The following CD101 variants were observed in gnomAD, a reference collection of about 807,000 sequenced individuals.
CD101 encodes CD101 molecule.
Under a neutral mutation model 98.2 loss-of-function variants are expected in CD101, and 76 were observed. The observed-to-expected ratio is 0.77, with a 90% confidence interval of 0.64 to 0.94. The LOEUF is 0.94. Ranked by LOEUF, CD101 falls within the 40% of genes least tolerant of loss-of-function variation. CD101 has a pLI of 0.00. For missense variants in CD101, 1,145 were observed against 1,218.8 expected (o/e 0.94, Z 0.90); for synonymous variants, 471 against 472.7 (o/e 1.00, Z 0.05).
intron 9 of CD101, among the ~76,000 whole-genome samples, chr1:117,034,736 G>A (rs1335492693): frequency 6.6e-6 from 1 of 152,170 alleles, no homozygotes; most frequent in Non-Finnish European, 1.5e-5. Flanking sequence ...TGTAACCTGA[G>A]TTTGGGGCTT....
Position 117,012,952 on chromosome 1 carries a change from T to C in CD101, c.842-454T>C, listed in dbSNP as rs1652977224. Among the ~76,000 whole-genome samples, 1 of 152,208 alleles carries C rather than the reference T, an allele frequency of 6.6e-6. No individual in the cohort carries two copies. Among genetic ancestry groups the C allele is most frequent in the South Asian group, 2.1e-4 (1 of 4,834 alleles). ...GCCTCAAGTATCCAAGTTATACTCATGAGTCCTATGGAGCGATATCACATG... is the reference window on the plus strand; with the variant it reads ...GCCTCAAGTATCCAAGTTATACTCACGAGTCCTATGGAGCGATATCACATG... On this transcript the variant is annotated intron_variant, in intron 3 of 9. Coordinates refer to ENST00000682167, the MANE Select transcript of CD101 (RefSeq NM_001256106.3). This position sits in a 1 kb window ranked among gnomAD's most constrained non-coding sequence, Gnocchi z 4.0.
At chr1:117,014,678 A>T (rs1325907466) in intron 4 of CD101, among the ~76,000 whole-genome samples, 3 of 152,246 alleles carry the variant, frequency 2.0e-5, no homozygotes, top group Admixed American at 6.5e-5. Flanking sequence ...GCCCAAAAAA[A>T]ATTTTTTTTA....
At chr1:117,027,741 G>A (rs1393621739) in intron 8 of CD101, among the ~76,000 whole-genome samples, 1 of 152,194 alleles carries the variant, frequency 6.6e-6, no homozygotes, top group East Asian at 1.9e-4. Flanking sequence ...AAAAGTTTAA[G>A]CAGGGGAGTG....
At chr1:117,027,151 C>T (rs1653991584) in intron 8 of CD101, among the ~76,000 whole-genome samples, 1 of 152,160 alleles carries the variant, frequency 6.6e-6, no homozygotes, top group Non-Finnish European at 1.5e-5. Context: ...TGTCAGTGCT[C>T]AGCAAATGTA....
chr1:117,013,673 A>C lies in CD101; in HGVS notation c.1109A>C (p.Glu370Ala). The C allele has an allele frequency of 6.2e-7, 1 of 1,614,178 alleles. No homozygotes were observed. Among genetic ancestry groups the C allele is most frequent in the Non-Finnish European group, 8.5e-7 (1 of 1,180,040 alleles). Reference sequence around the variant, plus strand: ...CTCAAGATCTTCTCTCTGGGCCCAGAGGATGAAGGCGCCTACAGATGTGTG... The same window carrying C: ...CTCAAGATCTTCTCTCTGGGCCCAGCGGATGAAGGCGCCTACAGATGTGTG... ...FSLKIFSLGP[E>A]DEGAYRCVVA... The change falls in exon 4 of 10, where the codon GAG (glutamate) becomes GCG (alanine). Residue 370 changes from glutamate to alanine, a missense_variant. Physicochemically the swap from Glu to Ala is moderately radical, Grantham distance 107 (BLOSUM62 -1). Transcript: ENST00000682167.
rs1652564355 is a variant in CD101, at chr1:117,006,848, A to G, written c.44-3002A>G. On this transcript the variant is annotated intron_variant, in intron 1 of 9. Coordinates refer to ENST00000682167, the MANE Select transcript of CD101 (RefSeq NM_001256106.3). The surrounding 1 kb of genome is among the most constrained non-coding windows in gnomAD (Gnocchi z 4.4). ...GAATCTAGCCTAAATTCATCTTCAT[A>G]TCTTAGTCCCTCAAGCATGAGAAAT... 6.6e-6 allele frequency among the ~76,000 whole-genome samples: 1 copy of G among 152,200 alleles called. No individual in the cohort carries two copies.
rs1374767702 is a variant in CD101, at chr1:117,034,174, A to G, written c.*33+40A>G. ...ATTGGGCTAACCAGGGTGTGAATGAATCCTGGTTCTGTCCTCAACTATGTC... is the reference window on the plus strand; with the variant it reads ...ATTGGGCTAACCAGGGTGTGAATGAGTCCTGGTTCTGTCCTCAACTATGTC... On this transcript the variant is annotated intron_variant, in intron 9 of 9. Transcript: ENST00000682167. 10 of 1,561,148 alleles carry G rather than the reference A, an allele frequency of 6.4e-6. No homozygotes were observed. In the East Asian group the frequency reaches 2.3e-4, roughly 36 times the overall value.
intron 8 of CD101, among the ~76,000 whole-genome samples, chr1:117,027,592 G>A (rs1654022733): frequency 1.3e-5 from 2 of 152,206 alleles, no homozygotes; most frequent in African/African-American, 2.4e-5. Context: ...AGAATGGCAG[G>A]AACTGCAGTC....
rs1249787037 is a variant in CD101, at chr1:117,022,010, A to G, written c.2428+27A>G. The stretch of plus-strand genomic sequence containing the variant: ...TAAACCTTGCGAGTGTATCCTCACA[A>G]TGTCTGTCTGTCTGACGGCTGTTTT... On this transcript the variant is annotated intron_variant, in intron 7 of 9. Transcript: ENST00000682167. The surrounding 1 kb of genome is among the most constrained non-coding windows in gnomAD (Gnocchi z 4.8). 31 of 1,571,166 alleles carry G rather than the reference A, an allele frequency of 2.0e-5. No homozygotes were observed. In the East Asian group the frequency reaches 7.0e-4, roughly 35 times the overall value.
At chr1:117,029,187 G>GA (rs1249080145) in intron 8 of CD101, among the ~76,000 whole-genome samples, 1 of 92,842 alleles carries the variant, frequency 1.1e-5, no homozygotes, top group African/African-American at 4.9e-5. Flanking sequence ...AAGAAAGAAA[G>GA]AAAGAAAGAA....
In CD101 at chr1:117,010,301, A is replaced by G; in HGVS notation, c.424+71A>G. On this transcript the variant is annotated intron_variant, in intron 2 of 9. Coordinates refer to ENST00000682167, the MANE Select transcript of CD101 (RefSeq NM_001256106.3). The surrounding 1 kb of genome is among the most constrained non-coding windows in gnomAD (Gnocchi z 5.2). ...AGTCTCCACCATGACAATATCTTGC[A>G]ATATGACATGGCTTTATATTGTTCC... The G allele has an allele frequency of 6.7e-7, 1 of 1,490,708 alleles. No homozygotes were observed. The highest frequency in any genetic ancestry group is 1.4e-5 in the African/African-American group (1 of 71,770). The allele number at this position is 1,490,708 out of a possible 1,614,324, so 92.3% of individuals were successfully genotyped here. A position where few individuals can be genotyped will look rare whatever the true frequency, so the allele number is the denominator to read the frequency against.
chr1:117,033,221 A>C lies in CD101; in HGVS notation c.2825-639A>C, dbSNP rs1255851464. On this transcript the variant is annotated intron_variant, in intron 8 of 9. Transcript: ENST00000682167. This position sits in a 1 kb window ranked among gnomAD's most constrained non-coding sequence, Gnocchi z 4.8. Reference sequence around the variant, plus strand: ...TGATGGAGCTAGGCCAGAAGGACCTAGAGGCTCAGATGCATGGAGCATGTC... The same window carrying C: ...TGATGGAGCTAGGCCAGAAGGACCTCGAGGCTCAGATGCATGGAGCATGTC... 6.6e-6 allele frequency: 1 copy of C among 151,706 alleles called. No homozygotes were observed. The highest frequency in any genetic ancestry group is 1.5e-5 in the Non-Finnish European group (1 of 68,402). 9.4% of individuals were successfully genotyped at this position (151,706 alleles called of 1,614,324 possible). A position where few individuals can be genotyped will look rare whatever the true frequency, so the allele number is the denominator to read the frequency against.
chr1:117,025,672 C>A lies in CD101; in HGVS notation c.2592C>A (p.His864Gln). Residue 864 changes from histidine to glutamine, a missense_variant, in exon 8 of 10, where the codon CAC becomes CAA. By Grantham distance (24) the His-to-Gln change is conservative. Transcript: ENST00000682167. ...RENSGSKLLV[H>Q]LQHDGLLEYG... ...ACTCTGGAAGTAAATTGCTGGTGCA[C>A]TTGCAACATGATGGCTTGCTGGAGT... 1 of 1,614,180 alleles carries A rather than the reference C, an allele frequency of 6.2e-7. No homozygotes were observed. Among genetic ancestry groups the A allele is most frequent in the Non-Finnish European group, 8.5e-7 (1 of 1,180,030 alleles).
chr1:117,018,426 A>G lies in CD101; in HGVS notation c.1883A>G (p.His628Arg), dbSNP rs750267090. 8 of 1,614,098 alleles carry G rather than the reference A, an allele frequency of 5.0e-6. No individual in the cohort carries two copies. In the African/African-American group the frequency reaches 6.7e-5, roughly 13 times the overall value. Reference protein sequence around the residue: ...QSLFRSQLLVHDATEEETGVY... With the variant: ...QSLFRSQLLVRDATEEETGVY... ...TTATTTCGTTCACAACTCCTAGTCC[A>G]TGATGCCACTGAGGAAGAGACAGGA... The change falls in exon 6 of 10, where the codon CAT becomes CGT. Residue 628 changes from histidine (H) to arginine (R), a missense_variant. By Grantham distance (29) the His-to-Arg change is conservative (BLOSUM62 0). Coordinates refer to ENST00000682167, the MANE Select transcript of CD101 (RefSeq NM_001256106.3). This position sits in a 1 kb window ranked among gnomAD's most constrained non-coding sequence, Gnocchi z 4.3.
intron 5 of CD101, among the ~76,000 whole-genome samples, 189 bp downstream of exon 5, chr1:117,017,662 T>C (rs1653322846): frequency 6.6e-6 from 1 of 152,214 alleles, no homozygotes; most frequent in African/African-American, 2.4e-5. Flanking sequence ...AGATCATCTT[T>C]AGAGTGCAAC....
chr1:117,018,511 G>T lies in CD101; in HGVS notation c.1968G>T (p.Pro656=), dbSNP rs935721436. Residue 656 remains proline (P), a synonymous_variant, in exon 6 of 10, where the codon CCG becomes CCT. Transcript: ENST00000682167. The surrounding 1 kb of genome is among the most constrained non-coding windows in gnomAD (Gnocchi z 4.3). ...DRNSLYNNRP[P]RASAISHPLR... is the part of the protein sequence containing the mutation. Reference sequence around the variant, plus strand: ...ATTCCCTATACAACAACCGCCCCCCGAGGGCTTCTGCCATCTCTCACCCAC... The same window carrying T: ...ATTCCCTATACAACAACCGCCCCCCTAGGGCTTCTGCCATCTCTCACCCAC... 1.9e-6 allele frequency: 3 copies of T among 1,612,154 alleles called. No homozygotes were observed. The highest frequency in any genetic ancestry group is 1.1e-5 in the South Asian group (1 of 91,010).
rs1557767019 is a variant in CD101, at chr1:117,011,812, C to T, written c.687C>T (p.Pro229=). 3.7e-6 allele frequency: 6 copies of T among 1,614,128 alleles called. No individual in the cohort carries two copies. The highest frequency in any genetic ancestry group is 3.4e-6 in the Non-Finnish European group (4 of 1,180,016). ...ASDVQLNKLG[P]TTFRLSIERL... ...ACGTACAGCTCAACAAACTGGGACC[C>T]ACTACATTCAGGCTGTCCATAGAGA... The change falls in exon 3 of 10, where the codon CCC becomes CCT. Residue 229 remains proline, a synonymous_variant. Transcript: ENST00000682167.
chr1:117,026,527 A>G (rs1460453373), intron 8 of CD101: 1 of 152,190 alleles, frequency 6.6e-6, no homozygotes, highest in East Asian at 1.9e-4. Flanking sequence ...TTTTTCTATC[A>G]GCCTTTTTCT....
chr1:117,029,007 C>CA (rs1312106616), intron 8 of CD101, among the ~76,000 whole-genome samples: 1 of 150,152 alleles, frequency 6.7e-6, no homozygotes, highest in Non-Finnish European at 1.5e-5. Flanking sequence ...GATTTGAGCA[C>CA]ATTTATGTTT....
Sources: allele counts gnomAD v4.1 joint callset (sites outside exome capture counted in the v4.1 genomes callset), GRCh38; gene constraint gnomAD v4.1.1; non-coding constraint Gnocchi (gnomAD v3.1); transcripts MANE v1.5; gene names NCBI Gene and HGNC (gene_info 2026-07-23, HGNC 2026-07-21).